Variants in MAN1A2 observed in about 807,000 individuals in gnomAD.
MAN1A2 encodes mannosyl-oligosaccharide 1,2-alpha-mannosidase IB.
In MAN1A2, 26 loss-of-function variants were observed where a neutral mutation model predicts 75.7. The ratio of observed to expected loss-of-function variants is 0.34; its 90% CI spans 0.25 to 0.48. The LOEUF is 0.48. Ranked by LOEUF, MAN1A2 falls within the 20% of genes least tolerant of loss-of-function variation. MAN1A2 has a pLI of 0.99. For missense variants in MAN1A2, 562 were observed against 775.5 expected (o/e 0.72, Z 3.27); for synonymous variants, 247 against 264.6 (o/e 0.93, Z 0.65).
chr1:117,503,682 A>G lies in MAN1A2; in HGVS notation c.1793+712A>G, dbSNP rs547824492. 3.3e-5 allele frequency among the ~76,000 whole-genome samples: 5 copies of G among 151,608 alleles called. No homozygotes were observed. In the South Asian group the frequency reaches 1.0e-3, roughly 31 times the overall value. On this transcript the variant is annotated intron_variant, in intron 12 of 12. Coordinates refer to ENST00000356554, the MANE Select transcript of MAN1A2 (RefSeq NM_006699.5). ...ATATCTGTACATGAAAGCCTTGTAA[A>G]CATTTTATTTTTTCAACAAATGTGT... is the stretch of plus-strand genomic sequence containing the variant.
At chr1:117,378,958 C>T (rs1472480589) in intron 1 of MAN1A2, among the ~76,000 whole-genome samples, 1 of 151,978 alleles carries the variant, frequency 6.6e-6, no homozygotes, top group Non-Finnish European at 1.5e-5. Flanking sequence ...TACACATTTC[C>T]TCCTGTGAAT....
At chr1:117,386,638 T>A (rs1226919217) in intron 1 of MAN1A2, among the ~76,000 whole-genome samples, 1 of 151,992 alleles carries the variant, frequency 6.6e-6, no homozygotes, top group Non-Finnish European at 1.5e-5. Flanking sequence ...TTTGCTGTTT[T>A]CTTTCCTTAG....
chr1:117,406,001 G>C (rs1375487724), intron 3 of MAN1A2, among the ~76,000 whole-genome samples: 1 of 152,060 alleles, frequency 6.6e-6, no homozygotes, highest in Non-Finnish European at 1.5e-5. Flanking sequence ...GAAGAGGGGA[G>C]GGATAGGAAA....
At chr1:117,383,638 A>G (rs564510274) in intron 1 of MAN1A2, among the ~76,000 whole-genome samples, 1 of 152,094 alleles carries the variant, frequency 6.6e-6, no homozygotes, top group East Asian at 1.9e-4. Flanking sequence ...TCTTTACCTG[A>G]TTCAGATTCT....
chr1:117,515,498 T>C (rs1651683081), intron 12 of MAN1A2: 1 of 152,048 alleles, frequency 6.6e-6, no homozygotes, highest in Non-Finnish European at 1.5e-5. Context: ...AAAATGATGC[T>C]GAATTAGTAA....
At chr1:117,425,734 C>CT (rs1392644417) in intron 5 of MAN1A2, among the ~76,000 whole-genome samples, 1 of 152,142 alleles carries the variant, frequency 6.6e-6, no homozygotes, top group African/African-American at 2.4e-5. Flanking sequence ...AAACCTATAG[C>CT]TAACAATATT....
chr1:117,526,923 GATAT>G lies in MAN1A2; in HGVS notation c.*3969_*3972del, dbSNP rs1489781625. 3 of 123,056 alleles carry G rather than the reference GATAT, an allele frequency of 2.4e-5. No homozygotes were observed. Among genetic ancestry groups the G allele is most frequent in the African/African-American group, 9.3e-5 (3 of 32,162 alleles). 7.6% of individuals were successfully genotyped at this position (123,056 alleles called of 1,614,324 possible). A position where few individuals can be genotyped will look rare whatever the true frequency, so the allele number is the denominator to read the frequency against. ...ATATATATATATGAGAGATATATGA[GATAT>G]ATGAGAGATCAAGATCTATATATGT... On this transcript the variant is annotated 3_prime_UTR_variant, in exon 13 of 13. Transcript: ENST00000356554.
chr1:117,409,743 G>A (rs1014393015), intron 3 of MAN1A2, among the ~76,000 whole-genome samples: 2 of 151,928 alleles, frequency 1.3e-5, no homozygotes, highest in Non-Finnish European at 2.9e-5. Context: ...CTCTTGTCAG[G>A]TGTTTGTCCA....
At chr1:117,501,825 C>G (rs887699245) in intron 11 of MAN1A2, among the ~76,000 whole-genome samples, 2 of 151,718 alleles carry the variant, frequency 1.3e-5, no homozygotes, top group Non-Finnish European at 1.5e-5. Flanking sequence ...CTAGGAACAA[C>G]AAGCCATGGC....
intron 1 of MAN1A2, among the ~76,000 whole-genome samples, chr1:117,378,058 C>T (rs149568026): frequency 2.6e-5 from 4 of 152,142 alleles, no homozygotes; most frequent in South Asian, 2.1e-4. Flanking sequence ...GCCGAGATCG[C>T]GCCACCGTAC....
At chr1:117,462,442 T>TG (rs1183703152) in intron 7 of MAN1A2, among the ~76,000 whole-genome samples, 1 of 152,140 alleles carries the variant, frequency 6.6e-6, no homozygotes, top group Non-Finnish European at 1.5e-5. Flanking sequence ...GATAAATTGT[T>TG]GAAGTAAAAA....
intron 8 of MAN1A2, among the ~76,000 whole-genome samples, chr1:117,469,493 T>G (rs1650080740): frequency 6.6e-6 from 1 of 152,042 alleles, no homozygotes; most frequent in Non-Finnish European, 1.5e-5. Context: ...TTTTTGTGCA[T>G]CAAAGCATAC....
In MAN1A2 at chr1:117,401,558, G is replaced by C. The variant is rs556428664; in HGVS notation, c.303-628G>C. ...CGGTGTAGGTGTCCATTGCAGTAGT[G>C]GTTTCCAAATCTGTGTGTACACCAG... On this transcript the variant is annotated intron_variant, in intron 1 of 12. Transcript: ENST00000356554. 2.3e-4 allele frequency among the ~76,000 whole-genome samples: 35 copies of C among 152,152 alleles called. No individual in the cohort carries two copies. In the South Asian group the frequency reaches 7.1e-3, roughly 31 times the overall value.
chr1:117,463,691 C>A lies in MAN1A2; in HGVS notation c.1075-2643C>A, dbSNP rs139118696. On this transcript the variant is annotated intron_variant, in intron 7 of 12. Coordinates refer to ENST00000356554, the MANE Select transcript of MAN1A2 (RefSeq NM_006699.5). ...GCATGTAGAAGACTGATAAAGAATC[C>A]AGTTTCAAATTTTAAAAACAGTAAA... Among the ~76,000 whole-genome samples the A allele has an allele frequency of 2.4e-4, 37 of 151,194 alleles. No homozygotes were observed. The East Asian group carries it at 4.8e-3, about 20-fold the overall frequency.
Position 117,412,598 on chromosome 1 carries a change from G to A in MAN1A2, c.656-2115G>A, listed in dbSNP as rs186893998. Among the ~76,000 whole-genome samples, 627 of 151,536 alleles carry A rather than the reference G, an allele frequency of 4.1e-3. 4 individuals carry two copies. The highest frequency in any genetic ancestry group is 0.011 in the Admixed American group (163 of 15,204). Reference sequence around the variant, plus strand: ...TTATTAACTAGTATAAATATTTTAAGTGTTTTTGTGAGAACTGCTTTAGTT... The same window carrying A: ...TTATTAACTAGTATAAATATTTTAAATGTTTTTGTGAGAACTGCTTTAGTT... On this transcript the variant is annotated intron_variant, in intron 3 of 12. Transcript: ENST00000356554.
intron 12 of MAN1A2, among the ~76,000 whole-genome samples, chr1:117,516,679 CAAAT>C (rs1651721237): frequency 6.6e-6 from 1 of 152,076 alleles, no homozygotes; most frequent in African/African-American, 2.4e-5. Flanking sequence ...AAACAGGAAA[CAAAT>C]GAAGTAAGCC....
chr1:117,503,030 AGAT>A, intron 12 of MAN1A2, 60 bp downstream of exon 12: 1 of 826,302 alleles, frequency 1.2e-6, no homozygotes, highest in Non-Finnish European at 1.9e-6. Flanking sequence ...TGTGATCACT[AGAT>A]GATGAATTAC....
chr1:117,374,599 A>G (rs1394212888), intron 1 of MAN1A2, among the ~76,000 whole-genome samples: 1 of 152,152 alleles, frequency 6.6e-6, no homozygotes, highest in Non-Finnish European at 1.5e-5. Context: ...ATCATTATAT[A>G]TTAGAAAGAA....
At chr1:117,375,219 C>T (rs1157657316) in intron 1 of MAN1A2, among the ~76,000 whole-genome samples, 6 of 152,152 alleles carry the variant, frequency 3.9e-5, no homozygotes, top group Non-Finnish European at 8.8e-5. Flanking sequence ...TTTGAAGGCT[C>T]TTACTACTCC....
Sources: gnomAD v4.1 joint callset for allele counts (sites outside exome capture counted in the v4.1 genomes callset) on GRCh38, gnomAD v4.1.1 for gene constraint, MANE v1.5 for transcripts, NCBI Gene and HGNC (gene_info 2026-07-23, HGNC 2026-07-21) for gene names.